Variants in ARPC2 observed in about 807,000 individuals in gnomAD.
ARPC2 encodes the protein actin-related protein 2/3 complex subunit 2.
A neutral mutation model predicts 38.6 loss-of-function variants in ARPC2; 4 were observed. The observed-to-expected ratio is 0.10, with a 90% CI of 0.05 to 0.24. ARPC2 has a LOEUF of 0.24. Among genes scored for constraint, ARPC2 ranks in the 10% least tolerant of loss-of-function variants. The pLI is 1.00. For synonymous variants in ARPC2, 125 were observed against 140.8 expected (o/e 0.89, Z 0.79); for missense variants, 229 against 387.3 (o/e 0.59, Z 3.43).
At chr2:218,233,642 C>T (rs1175470428) in intron 4 of ARPC2, 2 of 148,832 alleles carry the variant, frequency 1.3e-5, no homozygotes, top group Non-Finnish European at 3.0e-5. Flanking sequence ...ACAAGATCAG[C>T]AGACAAACAG....
At chr2:218,250,245 G>A (rs2106160688) in intron 10 of ARPC2, among the ~76,000 whole-genome samples, 1 of 152,328 alleles carries the variant, frequency 6.6e-6, no homozygotes, top group South Asian at 2.1e-4. Context: ...GATGGAGTAA[G>A]TTGCTTAGGG....
At chr2:218,242,946 G>A (rs1689948402) in intron 7 of ARPC2, among the ~76,000 whole-genome samples, 2 of 152,128 alleles carry the variant, frequency 1.3e-5, no homozygotes, top group African/African-American at 4.8e-5. Flanking sequence ...CCACCATGTG[G>A]AAGTTTGTTT....
intron 6 of ARPC2, 94 bp from the exon 7 acceptor site, chr2:218,239,297 A>G: frequency 1.2e-6 from 1 of 860,978 alleles, no homozygotes; most frequent in South Asian, 1.5e-5. Context: ...TAAGAGATTT[A>G]TGACTTTAGC....
At chr2:218,247,074 G>C (rs1690055635) in intron 8 of ARPC2, among the ~76,000 whole-genome samples, 1 of 152,154 alleles carries the variant, frequency 6.6e-6, no homozygotes, top group Admixed American at 6.5e-5. Flanking sequence ...GCAGTGAGCT[G>C]TGATGGCACC....
intron 4 of ARPC2, among the ~76,000 whole-genome samples, chr2:218,231,587 G>A (rs935448002): frequency 1.3e-5 from 2 of 152,038 alleles, no homozygotes; most frequent in Non-Finnish European, 2.9e-5. Flanking sequence ...ACACCTGAAG[G>A]TCAAGTCTCT....
rs542802629 is a variant in ARPC2, at chr2:218,242,778, C to T, written c.550-2642C>T. ...TTAATGTTATAGACCATTTGATTTTCTTATGAAGTGTCTCTTTATGTCCTT... is the reference window on the plus strand; with the variant it reads ...TTAATGTTATAGACCATTTGATTTTTTTATGAAGTGTCTCTTTATGTCCTT... On this transcript the variant is annotated intron_variant, in intron 7 of 10. Coordinates refer to ENST00000315717, the MANE Select transcript of ARPC2 (RefSeq NM_152862.3). Among the ~76,000 whole-genome samples the T allele has an allele frequency of 2.0e-5, 3 of 152,280 alleles. No individual in the cohort carries two copies. The South Asian group carries it at 6.2e-4, about 32-fold the overall frequency.
At chr2:218,232,027 G>A (rs770883700) in intron 4 of ARPC2, among the ~76,000 whole-genome samples, 5 of 152,126 alleles carry the variant, frequency 3.3e-5, no homozygotes, top group Non-Finnish European at 5.9e-5. Context: ...ATTGCTTGAG[G>A]TCAGGATTTC....
intron 4 of ARPC2, among the ~76,000 whole-genome samples, chr2:218,229,839 A>T (rs928203200): frequency 6.6e-6 from 1 of 152,370 alleles, no homozygotes; most frequent in African/African-American, 2.4e-5. Flanking sequence ...TTTACTGGAA[A>T]AAGAAAAGCT....
rs1351238168 is a variant in ARPC2, at chr2:218,238,703, C to G, written c.308C>G (p.Pro103Arg). 1.2e-6 allele frequency: 2 copies of G among 1,612,478 alleles called. No homozygotes were observed. The highest frequency in any genetic ancestry group is 1.7e-6 in the Non-Finnish European group (2 of 1,179,676). The change falls in exon 6 of 11, where the codon CCG becomes CGG. Residue 103 changes from proline (P) to arginine (R), a missense_variant. Pro to Arg is a moderately radical substitution (Grantham distance 103, BLOSUM62 -2). Around this residue, in one of 3 missense-constraint regions of ARPC2, gnomAD observed 135 missense variants for 214.1 expected, o/e 0.63. Coordinates refer to ENST00000315717, the MANE Select transcript of ARPC2 (RefSeq NM_152862.3). ...TTGCTATATGACCTTGAAAATCTTC[C>G]GGCATCCAAGGATTCCATTGTGCAT... ...VSLLYDLENL[P>R]ASKDSIVHQA...
intron 8 of ARPC2, among the ~76,000 whole-genome samples, chr2:218,248,184 A>G (rs191034189): frequency 3.3e-5 from 5 of 152,336 alleles, no homozygotes; most frequent in Non-Finnish European, 5.9e-5. Flanking sequence ...TGTGGTACAT[A>G]AAATTATGGC....
At chr2:218,223,673 G>T (rs141723678) in intron 2 of ARPC2, among the ~76,000 whole-genome samples, 1 of 152,148 alleles carries the variant, frequency 6.6e-6, no homozygotes, top group African/African-American at 2.4e-5. Context: ...CCTGAGGCCC[G>T]GTGACATTTG....
intron 5 of ARPC2, among the ~76,000 whole-genome samples, chr2:218,238,252 A>G (rs1265940821): frequency 1.3e-5 from 2 of 152,214 alleles, no homozygotes; most frequent in Admixed American, 6.6e-5. Context: ...ACATTAAACT[A>G]TCAGAGAAAT....
chr2:218,231,613 A>G (rs1206555061), intron 4 of ARPC2, among the ~76,000 whole-genome samples: 1 of 152,012 alleles, frequency 6.6e-6, no homozygotes, highest in Non-Finnish European at 1.5e-5. Context: ...CCACCAAGAA[A>G]CTCTCGTGAC....
intron 2 of ARPC2, among the ~76,000 whole-genome samples, chr2:218,220,345 T>C (rs1002234876): frequency 6.6e-6 from 1 of 152,180 alleles, no homozygotes; most frequent in Non-Finnish European, 1.5e-5. Context: ...AAGATAGCCA[T>C]ACAAAGTGGC....
At chr2:218,245,611 T>C (rs1690013122) in intron 8 of ARPC2, 65 bp downstream of exon 8, 1 of 1,594,332 alleles carries the variant, frequency 6.3e-7, no homozygotes. Context: ...AATACCTAAA[T>C]CTGCACAGAA....
At chr2:218,226,602 C>T (rs1425514733) in intron 3 of ARPC2, among the ~76,000 whole-genome samples, 1 of 140,602 alleles carries the variant, frequency 7.1e-6, no homozygotes, top group East Asian at 2.0e-4. Flanking sequence ...GCACTCCAGC[C>T]TGGGCGACAG....
At chr2:218,225,793 T>C (rs370325399) in intron 2 of ARPC2, 127 bp from the exon 3 acceptor site, 5 of 789,934 alleles carry the variant, frequency 6.3e-6, no homozygotes, top group African/African-American at 5.2e-5. Context: ...GTACTCTGAT[T>C]GGCAGTAACC....
intron 5 of ARPC2, among the ~76,000 whole-genome samples, chr2:218,238,160 A>T (rs1013528608): frequency 6.6e-6 from 1 of 152,196 alleles, no homozygotes; most frequent in African/African-American, 2.4e-5. Context: ...CTGCCACCTC[A>T]TAAAGAGTTT....
chr2:218,219,305 G>T (rs1275393761), intron 2 of ARPC2, among the ~76,000 whole-genome samples: 2 of 151,314 alleles, frequency 1.3e-5, no homozygotes, highest in African/African-American at 4.9e-5. Context: ...TAACCATTTC[G>T]GAGGGATTAA....
Sources: gnomAD v4.1 joint callset for allele counts (sites outside exome capture counted in the v4.1 genomes callset) on GRCh38, gnomAD v4.1.1 for gene constraint, gnomAD v4.1.1 regional missense constraint, MANE v1.5 for transcripts, NCBI Gene and HGNC (gene_info 2026-07-23, HGNC 2026-07-21) for gene names.